MARCHF1: variants seen among roughly 807,000 people sequenced by gnomAD.
The protein encoded by MARCHF1 is E3 ubiquitin-protein ligase MARCHF1.
Under a neutral mutation model 54.2 loss-of-function variants are expected in MARCHF1, and 40 were observed. The observed-to-expected ratio is 0.74, with a 90% CI of 0.57 to 0.96. The LOEUF (loss-of-function observed/expected upper bound fraction) is 0.96. MARCHF1 is among the 40% of genes least tolerant of loss of function. The pLI, the probability that MARCHF1 is intolerant of heterozygous loss-of-function variation, is 0.00. For synonymous variants in MARCHF1, 236 were observed against 236.3 expected (o/e 1.00, Z 0.01); for missense variants, 586 against 656.5 (o/e 0.89, Z 1.17).
intron 2 of MARCHF1, among the ~76,000 whole-genome samples, chr4:164,109,426 A>G (rs1391156393): frequency 6.6e-6 from 1 of 152,038 alleles, no homozygotes; most frequent in East Asian, 1.9e-4. Context: ...AAATCATTAC[A>G]AAACAAAGAA....
At chr4:163,600,183 T>C (rs1740916448) in intron 7 of MARCHF1, among the ~76,000 whole-genome samples, 1 of 152,006 alleles carries the variant, frequency 6.6e-6, no homozygotes, top group African/African-American at 2.4e-5. Context: ...TAAATTTATA[T>C]ACATATATAA....
intron 5 of MARCHF1, among the ~76,000 whole-genome samples, chr4:163,654,594 A>G (rs1228829946): frequency 6.6e-6 from 1 of 151,592 alleles, no homozygotes; most frequent in African/African-American, 2.4e-5. Flanking sequence ...TTCTCATTCT[A>G]TAGTGTTCCT....
chr4:164,138,945 A>C (rs1043187206), intron 1 of MARCHF1, among the ~76,000 whole-genome samples: 1 of 152,226 alleles, frequency 6.6e-6, no homozygotes, highest in Non-Finnish European at 1.5e-5. Context: ...TATTATAACA[A>C]AAATAAGCCA....
At chr4:163,960,135 T>C (rs1009782953) in intron 3 of MARCHF1, among the ~76,000 whole-genome samples, 2 of 151,952 alleles carry the variant, frequency 1.3e-5, no homozygotes, top group Non-Finnish European at 2.9e-5. Flanking sequence ...AGAATGTCTA[T>C]TATGAAAAAG....
intron 1 of MARCHF1, among the ~76,000 whole-genome samples, chr4:164,141,010 T>C (rs117820180): frequency 2.0e-5 from 3 of 152,226 alleles, no homozygotes; most frequent in Non-Finnish European, 2.9e-5. Context: ...CTCTGAATAA[T>C]AGCACCCTAT....
At chr4:164,191,706 G>A (rs898385962) in intron 1 of MARCHF1, among the ~76,000 whole-genome samples, 1 of 152,144 alleles carries the variant, frequency 6.6e-6, no homozygotes, top group Non-Finnish European at 1.5e-5. Flanking sequence ...GAGGCAAATG[G>A]ATTGTTGGAA....
chr4:164,368,887 G>T (rs1027745767), intron 1 of MARCHF1, among the ~76,000 whole-genome samples: 16 of 152,174 alleles, frequency 1.1e-4, no homozygotes, highest in African/African-American at 3.9e-4. Context: ...GCAGGTTGGG[G>T]TCTCTACAAG....
At chr4:163,788,578 A>T (rs77707507) in intron 4 of MARCHF1, among the ~76,000 whole-genome samples, 2,312 of 152,044 alleles carry the variant, frequency 0.015, 61 homozygotes, top group African/African-American at 0.052. Flanking sequence ...TAGACTGTCT[A>T]TCAATTTGAG....
chr4:163,867,466 A>G (rs1308176222), intron 3 of MARCHF1, among the ~76,000 whole-genome samples: 3 of 151,762 alleles, frequency 2.0e-5, no homozygotes, highest in Admixed American at 1.3e-4. Context: ...ATAATATAGT[A>G]GAATTTACTT....
chr4:163,822,011 AATT>A (rs1207369197), intron 4 of MARCHF1, among the ~76,000 whole-genome samples: 2 of 151,874 alleles, frequency 1.3e-5, no homozygotes, highest in East Asian at 3.9e-4. Flanking sequence ...AATAAGACAA[AATT>A]AATAAAAGCA....
intron 1 of MARCHF1, among the ~76,000 whole-genome samples, chr4:164,300,871 T>G (rs1300156214): frequency 6.6e-6 from 1 of 152,036 alleles, no homozygotes; most frequent in Non-Finnish European, 1.5e-5. Context: ...AGCGGGAGAA[T>G]TTACCCATTT....
At chr4:163,867,011 A>T (rs1750066925) in intron 3 of MARCHF1, among the ~76,000 whole-genome samples, 2 of 151,888 alleles carry the variant, frequency 1.3e-5, no homozygotes, top group African/African-American at 4.8e-5. Flanking sequence ...CCTAGACATG[A>T]TTGAATCATC....
At chr4:163,933,524 A>G (rs939545147) in intron 3 of MARCHF1, among the ~76,000 whole-genome samples, 4 of 152,204 alleles carry the variant, frequency 2.6e-5, no homozygotes, top group African/African-American at 9.6e-5. Flanking sequence ...GAGGACTAAA[A>G]ATGTATCTGG....
intron 3 of MARCHF1, among the ~76,000 whole-genome samples, chr4:163,908,747 C>G (rs574592919): frequency 2.0e-5 from 3 of 152,056 alleles, no homozygotes; most frequent in Admixed American, 1.3e-4. Flanking sequence ...TGGCTAAGGG[C>G]TAAAATGTAA....
rs927976614 is a variant in MARCHF1 at position 164,096,841 on chromosome 4, T to C, written c.-248+14747A>G. Among the ~76,000 whole-genome samples, 12 of 152,276 alleles carry C rather than the reference T, an allele frequency of 7.9e-5. 1 individual carries two copies. In the East Asian group the frequency reaches 2.3e-3, roughly 29 times the overall value. ...TTTTTAGCCATAAGTATCATATAAA[T>C]TGAAAGAAATTTATTTGAAAACATT... On this transcript the variant is annotated intron_variant, in intron 2 of 9. Transcript: ENST00000514618.
intron 1 of MARCHF1, among the ~76,000 whole-genome samples, chr4:164,371,202 C>T (rs1435311286): frequency 6.6e-6 from 1 of 152,046 alleles, no homozygotes; most frequent in African/African-American, 2.4e-5. Flanking sequence ...TTGGCTGTAC[C>T]TTTTGTGGTG....
intron 1 of MARCHF1, among the ~76,000 whole-genome samples, chr4:164,260,214 A>G (rs1161199671): frequency 1.3e-5 from 2 of 152,174 alleles, no homozygotes; most frequent in Admixed American, 6.6e-5. Context: ...AAACACATGC[A>G]TCACTACTAA....
intron 5 of MARCHF1, among the ~76,000 whole-genome samples, chr4:163,635,428 C>A (rs993310114): frequency 6.7e-6 from 1 of 150,234 alleles, no homozygotes; most frequent in Admixed American, 6.6e-5. Context: ...ACCGATCCCA[C>A]AGAAATACAA....
intron 5 of MARCHF1, among the ~76,000 whole-genome samples, chr4:163,644,917 C>A (rs938220963): frequency 1.3e-5 from 2 of 152,268 alleles, no homozygotes; most frequent in Admixed American, 1.3e-4. Context: ...TTCACAGTGA[C>A]CTCCTAAGAG....
Sources: allele counts gnomAD v4.1 joint callset (sites outside exome capture counted in the v4.1 genomes callset), GRCh38; gene constraint gnomAD v4.1.1; transcripts MANE v1.5; gene names NCBI Gene and HGNC (gene_info 2026-07-23, HGNC 2026-07-21).